Variants in CPQ observed in about 807,000 individuals in gnomAD.
The protein encoded by CPQ is carboxypeptidase Q, also known as Ser-Met dipeptidase.
A neutral mutation model predicts 45.7 loss-of-function variants in CPQ; 37 were observed. The observed-to-expected ratio is 0.81, with a 90% CI of 0.62 to 1.07. The LOEUF (loss-of-function observed/expected upper bound fraction) is 1.07. Among genes scored for constraint, CPQ ranks in the 50% least tolerant of loss-of-function variants. CPQ has a pLI of 0.00. For missense variants in CPQ, 537 were observed against 572.9 expected, an observed-to-expected ratio of 0.94 and a Z score of 0.64; for synonymous variants, 186 against 205.8, an observed-to-expected ratio of 0.90 and a Z score of 0.82.
chr8:97,020,128 A>C (rs1013115211), intron 5 of CPQ, among the ~76,000 whole-genome samples: 19 of 152,308 alleles, frequency 1.2e-4, no homozygotes, highest in East Asian at 5.8e-4. Context: ...CTGAATGATC[A>C]TTGGGTCAAA....
intron 2 of CPQ, among the ~76,000 whole-genome samples, chr8:96,824,273 C>G (rs951349605): frequency 6.6e-6 from 1 of 152,084 alleles, no homozygotes; most frequent in Non-Finnish European, 1.5e-5. Context: ...CAAGTCTCAG[C>G]TTTCATGTCA....
At chr8:96,951,568 C>T (rs1813266036) in intron 4 of CPQ, among the ~76,000 whole-genome samples, 1 of 152,056 alleles carries the variant, frequency 6.6e-6, no homozygotes, top group Non-Finnish European at 1.5e-5. Context: ...TGAGCTATAG[C>T]TTTTTCCCTT....
intron 1 of CPQ, among the ~76,000 whole-genome samples, chr8:96,734,604 G>A (rs537094563): frequency 2.6e-5 from 4 of 152,020 alleles, no homozygotes; most frequent in South Asian, 2.1e-4. Flanking sequence ...CCAGCTACTC[G>A]GGAGGCTGAG....
intron 7 of CPQ, among the ~76,000 whole-genome samples, chr8:97,084,287 AT>A (rs1811003740): frequency 6.6e-6 from 1 of 152,096 alleles, no homozygotes; most frequent in Admixed American, 6.5e-5. Context: ...TTTATTTCAA[AT>A]TTTTTCTAAT....
intron 7 of CPQ, among the ~76,000 whole-genome samples, chr8:97,101,939 TCTCC>T (rs1454923614): frequency 2.1e-4 from 16 of 75,018 alleles, no homozygotes; most frequent in East Asian, 1.0e-3. Context: ...TCTCTCTCTC[TCTCC>T]CTCCCTCCCT....
chr8:96,826,964 C>T (rs1376633645), intron 2 of CPQ, among the ~76,000 whole-genome samples: 3 of 152,054 alleles, frequency 2.0e-5, no homozygotes, highest in Non-Finnish European at 4.4e-5. Context: ...TGATCTTGTT[C>T]CTTTTTATGG....
intron 7 of CPQ, among the ~76,000 whole-genome samples, chr8:97,116,831 G>A (rs554789782): frequency 6.6e-6 from 1 of 152,340 alleles, no homozygotes; most frequent in South Asian, 2.1e-4. Context: ...CAGAAAGGTA[G>A]ATAATAGGAG....
intron 4 of CPQ, among the ~76,000 whole-genome samples, chr8:96,905,561 C>T (rs1215932089): frequency 6.6e-6 from 1 of 152,072 alleles, no homozygotes; most frequent in Non-Finnish European, 1.5e-5. Context: ...ATGTTGAGAG[C>T]AGCGTGAGCC....
intron 1 of CPQ, among the ~76,000 whole-genome samples, chr8:96,767,322 C>A (rs1810480076): frequency 1.3e-5 from 2 of 152,036 alleles, no homozygotes; most frequent in Non-Finnish European, 2.9e-5. Context: ...TGAAGATGGG[C>A]TTTTTGTCTT....
intron 3 of CPQ, among the ~76,000 whole-genome samples, chr8:96,876,119 G>A (rs531138145): frequency 2.0e-4 from 30 of 151,802 alleles, no homozygotes; most frequent in South Asian, 1.0e-3. Context: ...CTTTTGCATC[G>A]TTCATTGCTG....
At chr8:96,661,203 AAAG>A (rs1431165879) in intron 1 of CPQ, among the ~76,000 whole-genome samples, 1 of 152,230 alleles carries the variant, frequency 6.6e-6, no homozygotes, top group Non-Finnish European at 1.5e-5. Flanking sequence ...TTTTTTTAAA[AAAG>A]ACTTTACTTT....
chr8:97,127,980 G>A (rs1811875068), intron 7 of CPQ, among the ~76,000 whole-genome samples: 1 of 152,212 alleles, frequency 6.6e-6, no homozygotes, highest in South Asian at 2.1e-4. Context: ...ATTTTTAGGA[G>A]TGATGGAAAT....
chr8:96,677,037 G>A (rs527281237), intron 1 of CPQ, among the ~76,000 whole-genome samples: 2 of 152,106 alleles, frequency 1.3e-5, no homozygotes, highest in South Asian at 2.1e-4. Flanking sequence ...GTATTCCATG[G>A]TCTGTATCTA....
intron 5 of CPQ, among the ~76,000 whole-genome samples, chr8:97,017,944 T>G (rs1809611173): frequency 6.6e-6 from 1 of 152,036 alleles, no homozygotes; most frequent in Non-Finnish European, 1.5e-5. Flanking sequence ...TCAAAAATAG[T>G]GCACTAATCA....
rs376877393 is a variant in CPQ, at chr8:96,834,961, T to G, written c.434-12T>G. ...AAACTGTAAGTTAATCTTGCATGAC[T>G]TTTATTTCTAGGCATTACAGCAGAA... On this transcript the variant is annotated splice_polypyrimidine_tract_variant and intron_variant, in intron 2 of 7. Transcript: ENST00000220763. 7.4e-5 allele frequency: 119 copies of G among 1,609,874 alleles called. No individual in the cohort carries two copies. The highest frequency in any genetic ancestry group is 9.7e-5 in the Non-Finnish European group (114 of 1,177,966).
chr8:96,653,188 C>A (rs905163806), intron 1 of CPQ, among the ~76,000 whole-genome samples: 1 of 152,190 alleles, frequency 6.6e-6, no homozygotes, highest in Non-Finnish European at 1.5e-5. Flanking sequence ...CTTGGCCTCC[C>A]AAAGTGCTGG....
At chr8:96,730,472 C>T (rs528997851) in intron 1 of CPQ, among the ~76,000 whole-genome samples, 1 of 152,142 alleles carries the variant, frequency 6.6e-6, no homozygotes, top group East Asian at 1.9e-4. Context: ...GACAGGCATT[C>T]AGAGGTAAGA....
intron 7 of CPQ, 115 bp downstream of exon 7, chr8:97,066,325 T>A: frequency 1.1e-6 from 1 of 901,882 alleles, no homozygotes; most frequent in Non-Finnish European, 1.7e-6. Flanking sequence ...ACGGAAACCT[T>A]AAGCTTTTGT....
intron 7 of CPQ, among the ~76,000 whole-genome samples, chr8:97,135,662 A>T (rs1360398314): frequency 6.6e-6 from 1 of 152,164 alleles, no homozygotes; most frequent in Non-Finnish European, 1.5e-5. Context: ...AATTATTATG[A>T]TCAGGGAATA....
Sources: gnomAD v4.1 joint callset for allele counts (sites outside exome capture counted in the v4.1 genomes callset) on GRCh38, gnomAD v4.1.1 for gene constraint, MANE v1.5 for transcripts, NCBI Gene and HGNC (gene_info 2026-07-23, HGNC 2026-07-21) for gene names.